SLC2A9: variants seen among roughly 807,000 people sequenced by gnomAD.
The protein encoded by SLC2A9 is solute carrier family 2, facilitated glucose transporter member 9.
A neutral mutation model predicts 50.6 loss-of-function variants in SLC2A9; 39 were observed. The observed-to-expected ratio is 0.77, with a 90% CI of 0.60 to 1.01. SLC2A9 has a LOEUF of 1.01. Ranked by LOEUF, SLC2A9 falls within the 50% of genes least tolerant of loss-of-function variation. The pLI, the probability that SLC2A9 is intolerant of heterozygous loss-of-function variation, is 0.00. For synonymous variants in SLC2A9, 324 were observed against 276.9 expected, an observed-to-expected ratio of 1.17 and a Z score of -1.69; for missense variants, 686 against 677.6, an observed-to-expected ratio of 1.01 and a Z score of -0.14.
At chr4:9,987,989 C>A (rs781537458) in intron 3 of SLC2A9, among the ~76,000 whole-genome samples, 1 of 152,332 alleles carries the variant, frequency 6.6e-6, no homozygotes, top group African/African-American at 2.4e-5. Flanking sequence ...GCGTTTCCCC[C>A]CTGGGGGAGA....
chr4:9,868,350 A>T (rs1311148048), intron 10 of SLC2A9, among the ~76,000 whole-genome samples: 2 of 151,972 alleles, frequency 1.3e-5, no homozygotes, highest in Admixed American at 1.3e-4. Context: ...GTTCCCATAA[A>T]CTCCCTTGGG....
Position 9,826,563 on chromosome 4 carries a change from G to A in SLC2A9, c.1457C>T (p.Thr486Ile), listed in dbSNP as rs1183587744. 1 of 1,613,950 alleles carries A rather than the reference G, an allele frequency of 6.2e-7. No individual in the cohort carries two copies. Among genetic ancestry groups the A allele is most frequent in the Non-Finnish European group, 8.5e-7 (1 of 1,179,936 alleles). Residue 486 changes from threonine to isoleucine, a missense_variant, in exon 12 of 12, where the codon ACA becomes ATA. Transcript: ENST00000264784. ...LDTYCFLVFA[T>I]ICITGAIYLY... ...GTAGATAGCACCTGTGATACAAATT[G>A]TAGCAAAGACTAGGAAACAGTAGGT...
chr4:9,803,362 T>C (rs941614563), intron 3 of SLC2A9, among the ~76,000 whole-genome samples: 1 of 152,264 alleles, frequency 6.6e-6, no homozygotes, highest in Non-Finnish European at 1.5e-5. Context: ...GCAGTATGCA[T>C]TGTCATTTAT....
chr4:9,980,671 A>C lies in SLC2A9; in HGVS notation c.602T>G (p.Leu201Arg). 1 of 1,614,200 alleles carries C rather than the reference A, an allele frequency of 6.2e-7. No homozygotes were observed. Among genetic ancestry groups the C allele is most frequent in the Non-Finnish European group, 8.5e-7 (1 of 1,180,030 alleles). ...GATAAAGATGGCAGTCACCTGCCCC[A>C]GAGAGCCACGGATCTCCTTGGGTGA... ...EISPKEIRGS[L>R]GQVTAIFICI... Residue 201 changes from leucine to arginine, a missense_variant, in exon 5 of 12, where the codon CTG becomes CGG. Physicochemically the swap from Leu to Arg is moderately radical, Grantham distance 102 (BLOSUM62 -2). Coordinates refer to ENST00000264784, the MANE Select transcript of SLC2A9 (RefSeq NM_020041.3).
At chr4:9,900,693 T>G (rs1262773358) in intron 8 of SLC2A9, among the ~76,000 whole-genome samples, 2 of 152,212 alleles carry the variant, frequency 1.3e-5, no homozygotes, top group Non-Finnish European at 2.9e-5. Flanking sequence ...GAAAGAGGTT[T>G]AATTGACAAA....
chr4:9,861,037 T>C (rs1025051147), intron 10 of SLC2A9, among the ~76,000 whole-genome samples: 2 of 152,316 alleles, frequency 1.3e-5, no homozygotes, highest in East Asian at 1.9e-4. Context: ...TTTGCATGAC[T>C]TCTCTTCTGA....
intron 2 of SLC2A9, among the ~76,000 whole-genome samples, chr4:10,002,896 T>C (rs1760098638): frequency 6.6e-6 from 1 of 152,096 alleles, no homozygotes; most frequent in Admixed American, 6.6e-5. Context: ...AACTAAGCCT[T>C]TGCTTGGGCT....
At position 9,996,798 on chromosome 4, in the gene SLC2A9, A is replaced by G. The variant is rs745471730; in HGVS notation, c.393T>C (p.Ile131=). The change falls in exon 3 of 12, where the codon ATT becomes ATC. Residue 131 remains isoleucine, a synonymous_variant. Coordinates refer to ENST00000264784, the MANE Select transcript of SLC2A9 (RefSeq NM_020041.3). ...GLVGTLIVKM[I]GKVLGRKHTL... The stretch of plus-strand genomic sequence containing the variant: ...CTACTGACCTCCCAAGAACCTTTCC[A>G]ATCATCTTCACAATTAACGTCCCCA... 6 of 1,613,946 alleles carry G rather than the reference A, an allele frequency of 3.7e-6. No individual in the cohort carries two copies. In the South Asian group the frequency reaches 6.6e-5, roughly 18 times the overall value.
chr4:9,889,790 GT>G (rs1330508609), intron 9 of SLC2A9, among the ~76,000 whole-genome samples: 1 of 152,236 alleles, frequency 6.6e-6, no homozygotes, highest in Non-Finnish European at 1.5e-5. Flanking sequence ...ACCAAGATGA[GT>G]TGGAGGTACT....
At chr4:9,941,869 C>A in intron 6 of SLC2A9, 44 bp downstream of exon 6, 1 of 1,612,762 alleles carries the variant, frequency 6.2e-7, no homozygotes, top group Non-Finnish European at 8.5e-7. Context: ...CAGTGATGAT[C>A]TATGCAGGGG....
chr4:10,014,226 G>A (rs1344990148), intron 2 of SLC2A9, among the ~76,000 whole-genome samples: 4 of 152,104 alleles, frequency 2.6e-5, no homozygotes, highest in Non-Finnish European at 4.4e-5. Flanking sequence ...GAGAGAATTC[G>A]AGGTGATCGC....
At chr4:9,775,844 G>A (rs73090796), downstream of SLC2A9, among the ~76,000 whole-genome samples, 2 of 152,134 alleles carry the variant, frequency 1.3e-5, no homozygotes, top group Non-Finnish European at 2.9e-5. Context: ...TGCAAGGATG[G>A]CCTAATACAC....
chr4:9,884,716 A>C (rs541850865), intron 10 of SLC2A9, among the ~76,000 whole-genome samples: 95 of 152,216 alleles, frequency 6.2e-4, no homozygotes, highest in Non-Finnish European at 1.0e-3. Flanking sequence ...AGACACATGC[A>C]TGCATATATT....
intron 3 of SLC2A9, among the ~76,000 whole-genome samples, chr4:9,987,814 C>A (rs980519496): frequency 2.0e-5 from 3 of 151,264 alleles, no homozygotes; most frequent in Non-Finnish European, 2.9e-5. Flanking sequence ...GGTGACAGAG[C>A]GAGACTCCGT....
chr4:9,962,946 C>T (rs10018204), intron 5 of SLC2A9, among the ~76,000 whole-genome samples: 73,387 of 152,016 alleles, frequency 0.48, 19,082 homozygotes, highest in African/African-American at 0.67. Context: ...ATGGTGTTTT[C>T]CTTCCCTTCA....
intron 6 of SLC2A9, among the ~76,000 whole-genome samples, chr4:9,926,938 C>T (rs1008049916): frequency 4.0e-5 from 6 of 151,854 alleles, no homozygotes; most frequent in Non-Finnish European, 8.8e-5. Flanking sequence ...TGGTCCCCGT[C>T]GGAAGCCAGA....
intron 1 of SLC2A9, among the ~76,000 whole-genome samples, chr4:10,032,354 T>C (rs1763963952): frequency 6.6e-6 from 1 of 152,056 alleles, no homozygotes. Flanking sequence ...AGAGCTTGTG[T>C]GTGAGGGTTT....
At chr4:9,925,453 G>C (rs1744726596) in intron 6 of SLC2A9, among the ~76,000 whole-genome samples, 1 of 152,176 alleles carries the variant, frequency 6.6e-6, no homozygotes, top group Non-Finnish European at 1.5e-5. Flanking sequence ...CTGTGGAAAG[G>C]GGTGGGCCTT....
At chr4:9,874,810 T>C (rs1429943379) in intron 10 of SLC2A9, among the ~76,000 whole-genome samples, 2 of 152,270 alleles carry the variant, frequency 1.3e-5, no homozygotes, top group Admixed American at 6.5e-5. Context: ...CTGTCTAATG[T>C]GGGACGCTGT....
Sources: gnomAD v4.1 joint callset for allele counts (sites outside exome capture counted in the v4.1 genomes callset) on GRCh38, gnomAD v4.1.1 for gene constraint, MANE v1.5 for transcripts, NCBI Gene and HGNC (gene_info 2026-07-23, HGNC 2026-07-21) for gene names.